DPP8: variants seen among roughly 807,000 people sequenced by gnomAD.
The protein encoded by DPP8 is DPP VIII.
Under a neutral mutation model 107.5 loss-of-function variants are expected in DPP8, and 31 were observed. The ratio of observed to expected loss-of-function variants is 0.29; its 90% CI spans 0.22 to 0.39. DPP8 has a LOEUF of 0.39. DPP8 is among the 10% of genes least tolerant of loss of function. The probability of loss-of-function intolerance (pLI) is 1.00; values close to 1 mark genes in which losing one functional copy is unlikely to be tolerated. For synonymous variants in DPP8, 381 were observed against 356.6 expected, an observed-to-expected ratio of 1.07 and a Z score of -0.77; for missense variants, 842 against 1,076.1, an observed-to-expected ratio of 0.78 and a Z score of 3.04.
intron 5 of DPP8, among the ~76,000 whole-genome samples, chr15:65,492,481 T>C (rs776057580): frequency 6.6e-5 from 10 of 152,218 alleles, no homozygotes; most frequent in Non-Finnish European, 1.3e-4. Flanking sequence ...AAAGTATTTC[T>C]ATTATTTTAT....
In DPP8 at chr15:65,485,147, A is replaced by G; in HGVS notation, c.969T>C (p.Pro323=). 6.2e-7 allele frequency: 1 copy of G among 1,607,124 alleles called. No individual in the cohort carries two copies. The highest frequency in any genetic ancestry group is 8.5e-7 in the Non-Finnish European group (1 of 1,173,622). Residue 323 remains proline (P), a synonymous_variant, in exon 8 of 20, where the codon CCT becomes CCC. Transcript: ENST00000300141. The part of the protein sequence containing the change: ...FRYPKTGTAN[P]KVTFKMSEIM... ...TTTCTGACATCTTAAAAGTGACTTT[A>G]GGATTTGCTGTACCTTTAGAAAGAG...
At chr15:65,483,029 G>A (rs779701727) in intron 8 of DPP8, among the ~76,000 whole-genome samples, 8 of 151,894 alleles carry the variant, frequency 5.3e-5, no homozygotes, top group East Asian at 1.9e-4. Flanking sequence ...CCCGGGAGGC[G>A]GAGCTTGCAG....
intron 1 of DPP8, chr15:65,515,767 TCTTTC>T: frequency 1.4e-6 from 2 of 1,407,804 alleles, no homozygotes; most frequent in Non-Finnish European, 2.0e-6. Flanking sequence ...CTCACAGGAA[TCTTTC>T]CTTTCCTCAC....
intron 19 of DPP8, among the ~76,000 whole-genome samples, chr15:65,450,097 A>G (rs971255501): frequency 1.0e-5 from 1 of 96,504 alleles, no homozygotes; most frequent in South Asian, 5.0e-4. Flanking sequence ...CCTCCCAAGT[A>G]GCTGGGATTA....
At chr15:65,514,321 A>G (rs2141140601) in intron 1 of DPP8, among the ~76,000 whole-genome samples, 1 of 152,340 alleles carries the variant, frequency 6.6e-6, no homozygotes, top group Admixed American at 6.5e-5. Flanking sequence ...AATGACTAAA[A>G]TCCAAAACAG....
intron 1 of DPP8, chr15:65,515,794 G>A (rs1244466924): frequency 1.8e-6 from 2 of 1,085,844 alleles, no homozygotes; most frequent in Admixed American, 1.9e-5. Context: ...ATCAAAGCCT[G>A]CTCACCAGGA....
intron 6 of DPP8, among the ~76,000 whole-genome samples, chr15:65,488,425 G>A (rs932349446): frequency 2.0e-5 from 3 of 151,080 alleles, no homozygotes; most frequent in South Asian, 2.1e-4. Context: ...TGGGCAACAC[G>A]GCAATACCCC....
At chr15:65,477,476 A>G (rs1050305456) in intron 11 of DPP8, among the ~76,000 whole-genome samples, 2 of 152,098 alleles carry the variant, frequency 1.3e-5, no homozygotes, top group Admixed American at 1.3e-4. Context: ...TATACCCTTA[A>G]AAGTGGAAAA....
intron 3 of DPP8, among the ~76,000 whole-genome samples, chr15:65,506,410 G>A (rs1335362799): frequency 6.6e-6 from 1 of 151,804 alleles, no homozygotes; most frequent in African/African-American, 2.4e-5. Context: ...CGATTGTACC[G>A]AAACATTATC....
chr15:65,449,971 A>ATTG (rs1334485606), intron 19 of DPP8, among the ~76,000 whole-genome samples: 1 of 105,218 alleles, frequency 9.5e-6, no homozygotes, highest in Non-Finnish European at 2.0e-5. Flanking sequence ...TATTATTATT[A>ATTG]TTATTTTTTT....
intron 2 of DPP8, among the ~76,000 whole-genome samples, chr15:65,509,033 C>T (rs1441231028): frequency 1.3e-5 from 2 of 152,110 alleles, no homozygotes; most frequent in African/African-American, 4.8e-5. Flanking sequence ...CCATGCTAAC[C>T]CTTGCAAATG....
intron 3 of DPP8, among the ~76,000 whole-genome samples, chr15:65,505,902 A>AT (rs1186203627): frequency 7.0e-6 from 1 of 143,640 alleles, no homozygotes; most frequent in Non-Finnish European, 1.5e-5. Context: ...GTGAGCCAAG[A>AT]TTGCGCCACT....
Position 65,508,801 on chromosome 15 carries a change from G to A in DPP8, c.260-1446C>T, listed in dbSNP as rs1451866271. ...CGGGAGGCAGAGGTTGCAATAAACC[G>A]AGATCACGCCACTGCACTCCAGCCT... On this transcript the variant is annotated intron_variant, in intron 2 of 19. Transcript: ENST00000300141. Among the ~76,000 whole-genome samples the A allele has an allele frequency of 3.3e-5, 5 of 151,790 alleles. 1 individual carries two copies. In the East Asian group the frequency reaches 7.7e-4, roughly 23 times the overall value.
chr15:65,449,961 T>G (rs577351536), intron 19 of DPP8, among the ~76,000 whole-genome samples: 29 of 152,120 alleles, frequency 1.9e-4, no homozygotes, highest in Non-Finnish European at 1.2e-4. Context: ...AATAGTTTAT[T>G]ATTATTATTA....
chr15:65,466,631 A>G (rs1595906888), intron 14 of DPP8, 47 bp downstream of exon 14: 2 of 1,539,408 alleles, frequency 1.3e-6, no homozygotes, highest in East Asian at 4.5e-5. Flanking sequence ...TAGTGTACTA[A>G]TATATTAATC....
At chr15:65,492,877 T>A (rs1036562963) in intron 5 of DPP8, among the ~76,000 whole-genome samples, 3 of 151,928 alleles carry the variant, frequency 2.0e-5, no homozygotes, top group African/African-American at 7.3e-5. Context: ...GGATTACAGG[T>A]GTGAGCCACT....
chr15:65,454,285 A>G lies in DPP8; in HGVS notation c.2249T>C (p.Met750Thr). The G allele has an allele frequency of 6.4e-7, 1 of 1,567,530 alleles. No individual in the cohort carries two copies. Among genetic ancestry groups the G allele is most frequent in the African/African-American group, 1.4e-5 (1 of 71,798 alleles). The stretch of plus-strand genomic sequence containing the variant: ...TACCCTGAAGATATCTGACCTCTGC[A>G]TTAATGCCATCAGGGAGAGGTATCC... ...YGGYLSLMAL[M>T]QRSDIFRVAI... The change falls in exon 17 of 20, where the codon ATG becomes ACG. Residue 750 changes from methionine (M) to threonine (T), a missense_variant. Physicochemically the swap from Met to Thr is moderately conservative, Grantham distance 81. Transcript: ENST00000300141.
At chr15:65,502,144 G>A (rs762433781) in intron 3 of DPP8, among the ~76,000 whole-genome samples, 18 of 152,106 alleles carry the variant, frequency 1.2e-4, no homozygotes, top group African/African-American at 2.2e-4. Flanking sequence ...GCCCACCTCC[G>A]CCTCCCAGCA....
At chr15:65,489,795 G>A (rs552300519) in intron 6 of DPP8, among the ~76,000 whole-genome samples, 52 of 152,112 alleles carry the variant, frequency 3.4e-4, no homozygotes, top group African/African-American at 1.2e-3. Flanking sequence ...TTGGCTCACT[G>A]TAACCTCTGT....
Sources: gnomAD v4.1 joint callset for allele counts (sites outside exome capture counted in the v4.1 genomes callset) on GRCh38, gnomAD v4.1.1 for gene constraint, MANE v1.5 for transcripts, NCBI Gene and HGNC (gene_info 2026-07-23, HGNC 2026-07-21) for gene names.